The following CAMKMT variants were observed in gnomAD, a reference collection of about 807,000 sequenced individuals.
CAMKMT encodes the protein CaM KMT.
CAMKMT carries 53 observed loss-of-function variants against 48.0 expected under a neutral mutation model. The observed-to-expected ratio is 1.10, with a 90% CI of 0.89 to 1.39. CAMKMT has a LOEUF of 1.39. Among genes scored for constraint, CAMKMT ranks in the 40% most tolerant of loss-of-function variants. The pLI is 0.00. For synonymous variants in CAMKMT, 165 were observed against 152.3 expected (o/e 1.08, Z -0.61); for missense variants, 428 against 402.7 (o/e 1.06, Z -0.54).
At chr2:44,489,993 TACAC>T (rs1176528320) in intron 3 of CAMKMT, among the ~76,000 whole-genome samples, 3 of 152,040 alleles carry the variant, frequency 2.0e-5, no homozygotes, top group East Asian at 1.9e-4. Flanking sequence ...ATTAGATTAA[TACAC>T]ACACACGCAC....
chr2:44,761,286 T>C (rs1354265461), intron 9 of CAMKMT, among the ~76,000 whole-genome samples: 1 of 152,084 alleles, frequency 6.6e-6, no homozygotes, highest in East Asian at 1.9e-4. Flanking sequence ...ACACACAGGA[T>C]ACATAAAAGA....
intron 3 of CAMKMT, among the ~76,000 whole-genome samples, chr2:44,534,368 G>A (rs1666651908): frequency 6.6e-6 from 1 of 152,026 alleles, no homozygotes; most frequent in South Asian, 2.1e-4. Flanking sequence ...GTTTAAACTG[G>A]ACTTTATACC....
At chr2:44,456,029 A>G (rs698791) in intron 3 of CAMKMT, among the ~76,000 whole-genome samples, 121,759 of 152,140 alleles carry the variant, frequency 0.8, 49,205 homozygotes, top group African/African-American at 0.91. Flanking sequence ...TACCCTACTA[A>G]TAAACTCTTT....
rs1225648795 is a variant in CAMKMT at position 44,772,569 on chromosome 2, GT to G, written c.*457del. The stretch of plus-strand genomic sequence containing the variant: ...TTTCCTGGTTAGAAAAATAAATAAA[GT>G]GTATCTTTTTATCTCCCTCCAATTA... On this transcript the variant is annotated 3_prime_UTR_variant, in exon 11 of 11. Transcript: ENST00000378494. The G allele has an allele frequency of 1.3e-5, 2 of 152,320 alleles. No individual in the cohort carries two copies. The highest frequency in any genetic ancestry group is 4.9e-5 in the African/African-American group (2 of 40,946). 9.4% of individuals were successfully genotyped at this position (152,320 alleles called of 1,614,324 possible).
intron 3 of CAMKMT, among the ~76,000 whole-genome samples, chr2:44,692,545 T>G (rs1157290722): frequency 6.6e-6 from 1 of 152,264 alleles, no homozygotes; most frequent in Admixed American, 6.5e-5. Flanking sequence ...GGCAAAGGCC[T>G]TGTTTTAATC....
In CAMKMT at chr2:44,390,296, G is replaced by T. The variant is rs776261068; in HGVS notation, c.367G>T (p.Gly123Ter). 1 of 1,603,034 alleles carries T rather than the reference G, an allele frequency of 6.2e-7. No individual in the cohort carries two copies. The highest frequency in any genetic ancestry group is 1.7e-5 in the Admixed American group (1 of 59,058). The change falls in exon 3 of 11, where the codon GGA (glycine) becomes TGA (stop). Residue 123 changes from glycine (G) to a stop codon, truncating the protein, a stop_gained. Coordinates refer to ENST00000378494, the MANE Select transcript of CAMKMT (RefSeq NM_024766.5). LOFTEE classifies it high-confidence loss of function. The part of the protein sequence containing the change: ...EDVLTSFDNT[G>*]NVCIWPSEEV... ...TGTCCTTACCAGCTTTGACAATACA[G>T]GAAATGTTTGTAAGTTATACATTCA...
intron 3 of CAMKMT, among the ~76,000 whole-genome samples, chr2:44,646,785 G>C (rs1572988173): frequency 1.3e-5 from 2 of 152,050 alleles, no homozygotes; most frequent in Non-Finnish European, 2.9e-5. Context: ...AGAAGCCAAA[G>C]ACTTTAGAGA....
chr2:44,575,245 A>G (rs928776578), intron 3 of CAMKMT, among the ~76,000 whole-genome samples: 4 of 151,692 alleles, frequency 2.6e-5, no homozygotes, highest in African/African-American at 9.7e-5. Flanking sequence ...CTCTCGGCTA[A>G]TTTTTGTATT....
chr2:44,422,277 G>C (rs1305156150), intron 3 of CAMKMT, among the ~76,000 whole-genome samples: 2 of 152,218 alleles, frequency 1.3e-5, no homozygotes, highest in African/African-American at 4.8e-5. Flanking sequence ...TATACAGCCT[G>C]TAGAACTGTG....
chr2:44,436,686 A>G (rs181548703), intron 3 of CAMKMT, among the ~76,000 whole-genome samples: 145 of 152,220 alleles, frequency 9.5e-4, no homozygotes, highest in African/African-American at 3.3e-3. Context: ...CCAACCTCAG[A>G]TTTAGGACTG....
At chr2:44,716,046 A>C (rs1164871776) in intron 7 of CAMKMT, among the ~76,000 whole-genome samples, 1 of 152,204 alleles carries the variant, frequency 6.6e-6, no homozygotes. Flanking sequence ...CCCTGTTGGT[A>C]ATGGATCTAG....
chr2:44,588,892 C>T (rs1460721707), intron 3 of CAMKMT, among the ~76,000 whole-genome samples: 1 of 17,848 alleles, frequency 5.6e-5, no homozygotes, highest in Non-Finnish European at 1.2e-4. Flanking sequence ...GCCCCCGACC[C>T]GGCCATCCGC....
chr2:44,526,880 A>T (rs1168602553), intron 3 of CAMKMT, among the ~76,000 whole-genome samples: 4 of 152,130 alleles, frequency 2.6e-5, no homozygotes, highest in Non-Finnish European at 4.4e-5. Flanking sequence ...CTTCAGTAAG[A>T]TATAGTTCAT....
At chr2:44,480,148 G>C (rs1668892252) in intron 3 of CAMKMT, among the ~76,000 whole-genome samples, 1 of 152,142 alleles carries the variant, frequency 6.6e-6, no homozygotes, top group African/African-American at 2.4e-5. Flanking sequence ...ATCAAAGAGT[G>C]ATTTTATAAC....
intron 3 of CAMKMT, among the ~76,000 whole-genome samples, chr2:44,484,874 C>T (rs1669139902): frequency 6.6e-6 from 1 of 150,890 alleles, no homozygotes; most frequent in South Asian, 2.1e-4. Flanking sequence ...TACAAATCAA[C>T]AGGAAAAAAA....
chr2:44,379,490 A>G (rs1038296179), intron 2 of CAMKMT, among the ~76,000 whole-genome samples: 2 of 152,006 alleles, frequency 1.3e-5, no homozygotes, highest in African/African-American at 2.4e-5. Context: ...ATAGCCAACT[A>G]TTTTTCATAG....
At chr2:44,664,683 A>G (rs1270474420) in intron 3 of CAMKMT, among the ~76,000 whole-genome samples, 1 of 152,240 alleles carries the variant, frequency 6.6e-6, no homozygotes, top group East Asian at 1.9e-4. Flanking sequence ...AGACAAATAC[A>G]ATAAGAGAGG....
At chr2:44,394,484 A>G (rs1472446415) in intron 3 of CAMKMT, among the ~76,000 whole-genome samples, 1 of 151,464 alleles carries the variant, frequency 6.6e-6, no homozygotes, top group East Asian at 1.9e-4. Context: ...CTAGAGTGCA[A>G]TGGTGCAATC....
chr2:44,701,462 T>G (rs1333466496), intron 3 of CAMKMT, among the ~76,000 whole-genome samples: 1 of 152,172 alleles, frequency 6.6e-6, no homozygotes, highest in East Asian at 1.9e-4. Flanking sequence ...AACACTCTGA[T>G]TAGGAGTGTA....
Sources: gnomAD v4.1 joint callset for allele counts (sites outside exome capture counted in the v4.1 genomes callset) on GRCh38, gnomAD v4.1.1 for gene constraint, MANE v1.5 for transcripts, NCBI Gene and HGNC (gene_info 2026-07-23, HGNC 2026-07-21) for gene names.